The following COL19A1 variants were observed in gnomAD, a reference collection of about 807,000 sequenced individuals.
COL19A1 encodes the protein collagen alpha-1(XIX) chain.
In COL19A1, 159 loss-of-function variants were observed where a neutral mutation model predicts 190.2. The ratio of observed to expected loss-of-function variants is 0.84; its 90% CI spans 0.73 to 0.95. The LOEUF (loss-of-function observed/expected upper bound fraction) is 0.95, where lower values mean the gene tolerates loss of function less well. Ranked by LOEUF, COL19A1 falls within the 40% of genes least tolerant of loss-of-function variation. The pLI is 0.00. For synonymous variants in COL19A1, 509 were observed against 458.9 expected (o/e 1.11, Z -1.39); for missense variants, 1,418 against 1,431.9 (o/e 0.99, Z 0.16).
At chr6:70,201,503 C>A (rs1767551899) in intron 49 of COL19A1, among the ~76,000 whole-genome samples, 1 of 152,164 alleles carries the variant, frequency 6.6e-6, no homozygotes, top group Non-Finnish European at 1.5e-5. Context: ...CTTCTGGATG[C>A]AATTCTTAAA....
At chr6:69,972,222 A>C (rs2150056086) in intron 11 of COL19A1, among the ~76,000 whole-genome samples, 1 of 151,826 alleles carries the variant, frequency 6.6e-6, no homozygotes, top group Middle Eastern at 3.4e-3. Flanking sequence ...GGCTTCCTTG[A>C]CTCTCCAATC....
At chr6:70,084,253 G>A (rs763728277) in intron 15 of COL19A1, among the ~76,000 whole-genome samples, 1 of 152,102 alleles carries the variant, frequency 6.6e-6, no homozygotes, top group Non-Finnish European at 1.5e-5. Flanking sequence ...TTAGGATCGA[G>A]TTTAGACTTA....
intron 14 of COL19A1, among the ~76,000 whole-genome samples, chr6:70,039,966 A>C (rs539353595): frequency 3.3e-5 from 5 of 150,588 alleles, no homozygotes; most frequent in African/African-American, 9.8e-5. Context: ...AAGTCTTGCT[A>C]TGTTGCCTAG....
chr6:70,198,024 C>A (rs1400984328), intron 48 of COL19A1, among the ~76,000 whole-genome samples: 1 of 152,100 alleles, frequency 6.6e-6, no homozygotes. Context: ...AACAGATTTT[C>A]CTCAGAAGTA....
chr6:70,138,972 G>A (rs761678712), intron 19 of COL19A1, among the ~76,000 whole-genome samples: 6 of 152,020 alleles, frequency 3.9e-5, no homozygotes, highest in Non-Finnish European at 5.9e-5. Flanking sequence ...TCTCTTAGCT[G>A]CTTCTCTAGG....
At chr6:70,133,326 G>A (rs926552501) in intron 18 of COL19A1, among the ~76,000 whole-genome samples, 4 of 152,144 alleles carry the variant, frequency 2.6e-5, no homozygotes, top group Admixed American at 1.3e-4. Flanking sequence ...AGCACAAATA[G>A]CACTGGAATA....
intron 49 of COL19A1, among the ~76,000 whole-genome samples, chr6:70,202,969 A>G (rs1469879807): frequency 1.3e-5 from 2 of 152,108 alleles, no homozygotes; most frequent in Non-Finnish European, 2.9e-5. Context: ...CTTGGTGTCC[A>G]TTCCCACCTG....
chr6:70,075,779 G>GA (rs3840397), intron 15 of COL19A1, among the ~76,000 whole-genome samples: 65 of 144,530 alleles, frequency 4.5e-4, no homozygotes, highest in East Asian at 4.0e-3. Context: ...CTGTCAATGA[G>GA]AAAAAAAAAA....
At chr6:70,030,792 TCTC>T (rs1779019049) in intron 12 of COL19A1, among the ~76,000 whole-genome samples, 1 of 152,162 alleles carries the variant, frequency 6.6e-6, no homozygotes, top group African/African-American at 2.4e-5. Context: ...TCCTTCTTCT[TCTC>T]CACTTCTGGC....
intron 16 of COL19A1, among the ~76,000 whole-genome samples, chr6:70,120,636 G>A (rs894074916): frequency 3.3e-5 from 5 of 152,138 alleles, no homozygotes; most frequent in Non-Finnish European, 7.4e-5. Context: ...TTTCAGCATG[G>A]TAACAGCATC....
In COL19A1 at chr6:70,144,226, A is replaced by G. The variant is rs759239844; in HGVS notation, c.1643A>G (p.His548Arg). 11 of 1,612,566 alleles carry G rather than the reference A, an allele frequency of 6.8e-6. No individual in the cohort carries two copies. Among genetic ancestry groups the G allele is most frequent in the South Asian group, 1.1e-5 (1 of 91,032 alleles). Residue 548 changes from histidine (H) to arginine (R), a missense_variant, in exon 24 of 51, where the codon CAT (histidine) becomes CGT (arginine). Physicochemically the swap from His to Arg is conservative, Grantham distance 29. Transcript: ENST00000620364. ...PPGDVGLPGE[H>R]GIPGKQGIKG... is the part of the protein sequence containing the mutation. ...GTTTTCTAGGGATTGCCAGGAGAAC[A>G]TGGTATCCCAGGAAAACAAGGCATT...
intron 4 of COL19A1, among the ~76,000 whole-genome samples, chr6:69,906,642 T>TA (rs1770569911): frequency 6.6e-6 from 1 of 152,184 alleles, no homozygotes; most frequent in East Asian, 1.9e-4. Context: ...ATAATATAGC[T>TA]AGACACAGTG....
chr6:70,149,900 A>C lies in COL19A1; in HGVS notation c.1979A>C (p.Asn660Thr). The C allele has an allele frequency of 6.2e-7, 1 of 1,613,638 alleles. No individual in the cohort carries two copies. The highest frequency in any genetic ancestry group is 1.3e-5 in the African/African-American group (1 of 74,996). ...GLPGTPGTPG[N>T]DGVPGRDGKP... ...CCAGGAACTCCAGGGACTCCAGGGAATGATGTAAGGACTTTCTTTATCTAC... is the reference window on the plus strand; with the variant it reads ...CCAGGAACTCCAGGGACTCCAGGGACTGATGTAAGGACTTTCTTTATCTAC... The change falls in exon 29 of 51, where the codon AAT becomes ACT. Residue 660 changes from asparagine (N) to threonine (T), a missense_variant. Coordinates refer to ENST00000620364, the MANE Select transcript of COL19A1 (RefSeq NM_001858.6).
At chr6:69,955,522 AGTGTGTGTGTGTGTGTGTGT>A (rs60501043) in intron 9 of COL19A1, among the ~76,000 whole-genome samples, 30 of 138,968 alleles carry the variant, frequency 2.2e-4, no homozygotes, top group African/African-American at 8.1e-5. Context: ...GCCACAGCAA[AGTGTGTGTGTGTGTGTGTGT>A]GTGTGTGTGT....
intron 44 of COL19A1, 22 bp downstream of exon 44, chr6:70,180,545 A>C: frequency 6.2e-7 from 1 of 1,611,190 alleles, no homozygotes. Context: ...TTACTACTTA[A>C]AATATGCCAC....
intron 7 of COL19A1, among the ~76,000 whole-genome samples, chr6:69,935,630 C>G (rs768222718): frequency 1.1e-4 from 17 of 151,784 alleles, no homozygotes; most frequent in Non-Finnish European, 2.4e-4. Flanking sequence ...ATACAGTAAA[C>G]TAGTTGCTGT....
chr6:69,940,085 A>T (rs1483279773), intron 9 of COL19A1, among the ~76,000 whole-genome samples: 1 of 151,972 alleles, frequency 6.6e-6, no homozygotes, highest in Non-Finnish European at 1.5e-5. Flanking sequence ...AAAAAAAAAA[A>T]TCTATGTCAT....
At chr6:70,188,865 G>C (rs547939443) in intron 47 of COL19A1, among the ~76,000 whole-genome samples, 2 of 152,296 alleles carry the variant, frequency 1.3e-5, no homozygotes, top group Admixed American at 1.3e-4. Flanking sequence ...GGGTCTTGAA[G>C]TGAAGTAGGG....
At chr6:69,891,203 CAAA>C (rs776456756) in intron 2 of COL19A1, 5 of 105,186 alleles carry the variant, frequency 4.8e-5, no homozygotes, top group Non-Finnish European at 8.7e-5. Flanking sequence ...ACCCAGCTAG[CAAA>C]AAAAAAAAAA....
Sources: gnomAD v4.1 joint callset for allele counts (sites outside exome capture counted in the v4.1 genomes callset) on GRCh38, gnomAD v4.1.1 for gene constraint, MANE v1.5 for transcripts, NCBI Gene and HGNC (gene_info 2026-07-23, HGNC 2026-07-21) for gene names.